The following PHF14 variants were observed in gnomAD, a reference collection of about 807,000 sequenced individuals.
PHF14 encodes the protein PHD finger protein 14.
In PHF14, 55 loss-of-function variants were observed where a neutral mutation model predicts 117.9. The observed-to-expected ratio is 0.47, with a 90% CI of 0.38 to 0.58. The LOEUF (loss-of-function observed/expected upper bound fraction) is 0.58. PHF14 is among the 20% of genes least tolerant of loss of function. The pLI is 0.00. For missense variants in PHF14, 978 were observed against 1,122.2 expected (o/e 0.87, Z 1.84); for synonymous variants, 409 against 368.6 (o/e 1.11, Z -1.26).
At chr7:11,081,516 G>T (rs981293965) in intron 16 of PHF14, among the ~76,000 whole-genome samples, 2 of 152,144 alleles carry the variant, frequency 1.3e-5, no homozygotes, top group Non-Finnish European at 2.9e-5. Context: ...TTTAAAAAGA[G>T]TATTTCCTGT....
chr7:11,040,730 A>C lies in PHF14; in HGVS notation c.2135A>C (p.Glu712Ala). 6.4e-7 allele frequency: 1 copy of C among 1,569,574 alleles called. No individual in the cohort carries two copies. The highest frequency in any genetic ancestry group is 8.6e-7 in the Non-Finnish European group (1 of 1,156,172). ...APKERKPSKK[E>A]GGTQKTSTLP... ...AAGGAGAGAAAACCAAGTAAAAAAG[A>C]AGGAGGCACACAAAAGACATCTACT... is the stretch of plus-strand genomic sequence containing the variant. The change falls in exon 12 of 18, where the codon GAA becomes GCA. Residue 712 changes from glutamate to alanine, a missense_variant. By Grantham distance (107) the Glu-to-Ala change is moderately radical. Coordinates refer to ENST00000634607, the MANE Select transcript of PHF14 (RefSeq NM_001007157.2).
rs533571540 is a variant in PHF14 at position 11,052,630 on chromosome 7, C to T, written c.2481+850C>T. Among the ~76,000 whole-genome samples, 16 of 152,214 alleles carry T rather than the reference C, an allele frequency of 1.1e-4. 2 individuals are homozygous for T. The South Asian group carries it at 2.9e-3, about 28-fold the overall frequency. On this transcript the variant is annotated intron_variant, in intron 14 of 17. Coordinates refer to ENST00000634607, the MANE Select transcript of PHF14 (RefSeq NM_001007157.2). Reference sequence around the variant, plus strand: ...TTTCTGTTGCTTCACAAAGTTTTGTCCAGTGTTTTAATGCTTTCCAGTGTG... The same window carrying T: ...TTTCTGTTGCTTCACAAAGTTTTGTTCAGTGTTTTAATGCTTTCCAGTGTG...
At chr7:11,018,957 A>C (rs996025194) in intron 5 of PHF14, among the ~76,000 whole-genome samples, 2 of 152,118 alleles carry the variant, frequency 1.3e-5, no homozygotes, top group African/African-American at 4.8e-5. Context: ...AGGGATGTTG[A>C]ATTTTATTAA....
At chr7:11,144,905 A>G (rs974474249) in intron 17 of PHF14, among the ~76,000 whole-genome samples, 1 of 151,986 alleles carries the variant, frequency 6.6e-6, no homozygotes, top group African/African-American at 2.4e-5. Context: ...AAAAAATCAT[A>G]GAGACAGGGA....
intron 6 of PHF14, among the ~76,000 whole-genome samples, chr7:11,027,613 A>T (rs1264858766): frequency 1.3e-5 from 2 of 152,098 alleles, no homozygotes; most frequent in East Asian, 3.8e-4. Context: ...TGGTTTTATA[A>T]ATTTTCTCTT....
At chr7:11,002,028 T>A (rs1473303976) in intron 4 of PHF14, among the ~76,000 whole-genome samples, 1 of 151,596 alleles carries the variant, frequency 6.6e-6, no homozygotes, top group Non-Finnish European at 1.5e-5. Context: ...TTACTCCTTA[T>A]TTCTGTTTGT....
intron 17 of PHF14, among the ~76,000 whole-genome samples, chr7:11,158,658 C>T (rs1365866547): frequency 6.6e-6 from 1 of 151,920 alleles, no homozygotes; most frequent in Non-Finnish European, 1.5e-5. Flanking sequence ...TTTTGTCAAT[C>T]TAGTATTTTC....
At chr7:11,116,946 A>G (rs1192423632) in intron 17 of PHF14, among the ~76,000 whole-genome samples, 4 of 151,978 alleles carry the variant, frequency 2.6e-5, no homozygotes, top group Non-Finnish European at 5.9e-5. Flanking sequence ...AAGTAGACTT[A>G]GTATTGTAAT....
intron 16 of PHF14, among the ~76,000 whole-genome samples, chr7:11,093,492 A>G (rs116126278): frequency 6.6e-6 from 1 of 151,928 alleles, no homozygotes; most frequent in Non-Finnish European, 1.5e-5. Flanking sequence ...TTTCTTTACT[A>G]TTTCCTGTGT....
intron 16 of PHF14, among the ~76,000 whole-genome samples, chr7:11,089,335 C>G (rs1432031143): frequency 6.6e-6 from 1 of 152,144 alleles, no homozygotes; most frequent in African/African-American, 2.4e-5. Context: ...AATTCATTGA[C>G]TTTTATATAT....
intron 13 of PHF14, among the ~76,000 whole-genome samples, chr7:11,047,213 C>T (rs1784697281): frequency 2.6e-5 from 4 of 151,836 alleles, no homozygotes; most frequent in Admixed American, 6.6e-5. Flanking sequence ...GGACTACAGG[C>T]GCGTGCCACC....
intron 16 of PHF14, among the ~76,000 whole-genome samples, chr7:11,082,497 T>C (rs1198187200): frequency 6.6e-6 from 1 of 152,260 alleles, no homozygotes; most frequent in Non-Finnish European, 1.5e-5. Flanking sequence ...CTATTTTGCA[T>C]TATTTGCAGA....
chr7:11,154,429 A>G (rs974556542), intron 17 of PHF14, among the ~76,000 whole-genome samples: 1 of 152,198 alleles, frequency 6.6e-6, no homozygotes, highest in African/African-American at 2.4e-5. Flanking sequence ...TTGTATTTGT[A>G]AGAATATGGC....
intron 14 of PHF14, among the ~76,000 whole-genome samples, chr7:11,060,028 G>A (rs1267223453): frequency 6.6e-6 from 1 of 151,896 alleles, no homozygotes; most frequent in Non-Finnish European, 1.5e-5. Context: ...TCACAACCAT[G>A]CCTAGCTGAT....
chr7:11,074,434 T>G (rs1327532721), intron 16 of PHF14, among the ~76,000 whole-genome samples: 2 of 152,044 alleles, frequency 1.3e-5, no homozygotes, highest in African/African-American at 4.8e-5. Context: ...ATGGTCTCGA[T>G]CTCCTGACCT....
intron 16 of PHF14, among the ~76,000 whole-genome samples, chr7:11,070,561 C>A (rs1366422067): frequency 2.0e-5 from 3 of 152,184 alleles, no homozygotes; most frequent in African/African-American, 7.2e-5. Context: ...TCCTTCTAAG[C>A]CTACATCAGT....
chr7:11,167,594 A>T (rs1789237032), intron 17 of PHF14, among the ~76,000 whole-genome samples: 1 of 152,242 alleles, frequency 6.6e-6, no homozygotes, highest in African/African-American at 2.4e-5. Flanking sequence ...TTTGAGGAAC[A>T]GATGGACAAA....
intron 6 of PHF14, among the ~76,000 whole-genome samples, chr7:11,026,250 C>G (rs1364128740): frequency 2.0e-5 from 3 of 152,210 alleles, no homozygotes; most frequent in Non-Finnish European, 4.4e-5. Flanking sequence ...GCTGAAGGCT[C>G]AAGTGATCAT....
intron 17 of PHF14, among the ~76,000 whole-genome samples, chr7:11,141,948 G>A (rs1216517971): frequency 6.6e-6 from 1 of 151,964 alleles, no homozygotes; most frequent in Admixed American, 6.6e-5. Flanking sequence ...ATCAAAATAT[G>A]AGAAGTATTT....
Sources: allele counts gnomAD v4.1 joint callset (sites outside exome capture counted in the v4.1 genomes callset), GRCh38; gene constraint gnomAD v4.1.1; transcripts MANE v1.5; gene names NCBI Gene and HGNC (gene_info 2026-07-23, HGNC 2026-07-21).